The following ESRRG variants were observed in gnomAD, a reference collection of about 807,000 sequenced individuals.
The protein encoded by ESRRG is estrogen-related receptor gamma.
ESRRG carries 13 observed loss-of-function variants against 44.0 expected under a neutral mutation model. That is an observed-to-expected ratio of 0.30 (90% CI 0.19 to 0.47). The LOEUF is 0.47. Ranked by LOEUF, ESRRG falls within the 20% of genes least tolerant of loss-of-function variation. The pLI, the probability that ESRRG is intolerant of heterozygous loss-of-function variation, is 1.00. For missense variants in ESRRG, 395 were observed against 580.6 expected (o/e 0.68, Z 3.29); for synonymous variants, 215 against 214.6 (o/e 1.00, Z -0.02).
intron 3 of ESRRG, among the ~76,000 whole-genome samples, chr1:216,589,674 C>T (rs936737410): frequency 5.3e-5 from 8 of 151,936 alleles, no homozygotes; most frequent in Non-Finnish European, 1.2e-4. Flanking sequence ...GAGGCCGAGG[C>T]AGGTGGGTCA....
chr1:216,969,875 G>A (rs949078264), intron 1 of ESRRG, among the ~76,000 whole-genome samples: 12 of 151,972 alleles, frequency 7.9e-5, no homozygotes, highest in Admixed American at 4.6e-4. Context: ...CATGAGCCAC[G>A]GTGCCCAGCT....
intron 1 of ESRRG, among the ~76,000 whole-genome samples, chr1:217,078,843 T>C (rs773164306): frequency 6.6e-6 from 1 of 152,176 alleles, no homozygotes; most frequent in Non-Finnish European, 1.5e-5. Context: ...TATCAACCTC[T>C]GCATTCTGTC....
chr1:216,584,491 C>T (rs749264934), intron 3 of ESRRG, among the ~76,000 whole-genome samples: 1 of 151,958 alleles, frequency 6.6e-6, no homozygotes, highest in Non-Finnish European at 1.5e-5. Context: ...CTCCTGACCT[C>T]GTGATCCACC....
chr1:216,581,673 T>C (rs1242682567), intron 3 of ESRRG, among the ~76,000 whole-genome samples: 2 of 151,954 alleles, frequency 1.3e-5, no homozygotes, highest in South Asian at 2.1e-4. Context: ...ACAATGGGCA[T>C]GAACTGTGGT....
intron 2 of ESRRG, among the ~76,000 whole-genome samples, chr1:216,925,283 A>G (rs1022757768): frequency 6.6e-6 from 1 of 152,096 alleles, no homozygotes; most frequent in South Asian, 2.1e-4. Flanking sequence ...CTAAAAACAC[A>G]AAAATTAGCT....
At chr1:216,967,018 T>C (rs967060765) in intron 1 of ESRRG, among the ~76,000 whole-genome samples, 1 of 152,184 alleles carries the variant, frequency 6.6e-6, no homozygotes, top group South Asian at 2.1e-4. Context: ...CTGAGTTTCC[T>C]AAACAAGAGC....
At chr1:217,134,687 G>T (rs994802758) in intron 1 of ESRRG, among the ~76,000 whole-genome samples, 1 of 152,226 alleles carries the variant, frequency 6.6e-6, no homozygotes, top group Non-Finnish European at 1.5e-5. Flanking sequence ...GGCTCCGAGC[G>T]CACAGCTCTT....
chr1:216,688,508 A>G (rs2078448399), intron 1 of ESRRG, among the ~76,000 whole-genome samples: 1 of 152,192 alleles, frequency 6.6e-6, no homozygotes, highest in Non-Finnish European at 1.5e-5. Flanking sequence ...ACCATACAAA[A>G]ACAAAACAAA....
chr1:216,981,474 C>T (rs1257818723), intron 1 of ESRRG, among the ~76,000 whole-genome samples: 1 of 152,048 alleles, frequency 6.6e-6, no homozygotes, highest in Non-Finnish European at 1.5e-5. Flanking sequence ...TCATGAGGAG[C>T]CGATGAAGCA....
At chr1:216,925,627 A>T (rs920203004) in intron 2 of ESRRG, among the ~76,000 whole-genome samples, 4 of 151,682 alleles carry the variant, frequency 2.6e-5, no homozygotes, top group Non-Finnish European at 5.9e-5. Context: ...GTGGGGGCGG[A>T]ATGCTCCTTC....
intron 2 of ESRRG, among the ~76,000 whole-genome samples, chr1:216,778,220 A>G (rs1260757332): frequency 6.6e-6 from 1 of 151,994 alleles, no homozygotes; most frequent in East Asian, 1.9e-4. Flanking sequence ...AAAACGGCAG[A>G]GGGAGGAGTT....
chr1:216,958,332 T>C (rs1035627924), intron 1 of ESRRG, among the ~76,000 whole-genome samples: 2 of 152,164 alleles, frequency 1.3e-5, no homozygotes, highest in Non-Finnish European at 2.9e-5. Context: ...AAATCTTTAG[T>C]TTGATAAAAA....
At chr1:217,041,906 G>T (rs1472023179) in intron 1 of ESRRG, among the ~76,000 whole-genome samples, 1 of 152,162 alleles carries the variant, frequency 6.6e-6, no homozygotes, top group Non-Finnish European at 1.5e-5. Context: ...CTTATCCCAA[G>T]AAACCAGTAG....
intron 6 of ESRRG, among the ~76,000 whole-genome samples, chr1:216,509,516 C>T (rs2042119868): frequency 6.6e-6 from 1 of 152,136 alleles, no homozygotes; most frequent in Admixed American, 6.5e-5. Context: ...GTTACCTCGG[C>T]CCTACCCATA....
intron 5 of ESRRG, among the ~76,000 whole-genome samples, chr1:216,553,041 G>A (rs974257507): frequency 6.6e-6 from 1 of 152,026 alleles, no homozygotes; most frequent in African/African-American, 2.4e-5. Context: ...AATCTGTGCT[G>A]AGGACACCCT....
intron 2 of ESRRG, among the ~76,000 whole-genome samples, chr1:216,819,922 A>G (rs1463845916): frequency 6.6e-6 from 1 of 152,248 alleles, no homozygotes; most frequent in Non-Finnish European, 1.5e-5. Flanking sequence ...CCAAAACAAT[A>G]CAACTGTAGA....
At chr1:217,075,875 T>C (rs2091234781) in intron 1 of ESRRG, among the ~76,000 whole-genome samples, 1 of 152,176 alleles carries the variant, frequency 6.6e-6, no homozygotes, top group African/African-American at 2.4e-5. Flanking sequence ...TGCTTTTACA[T>C]TTTATTGAGC....
intron 1 of ESRRG, among the ~76,000 whole-genome samples, chr1:217,006,258 G>T (rs1439105648): frequency 6.6e-6 from 1 of 152,000 alleles, no homozygotes; most frequent in East Asian, 1.9e-4. Flanking sequence ...TGAATAATAT[G>T]ATGATTAGGT....
At chr1:216,543,482 A>G (rs1381171340) in intron 5 of ESRRG, among the ~76,000 whole-genome samples, 1 of 152,020 alleles carries the variant, frequency 6.6e-6, no homozygotes, top group African/African-American at 2.4e-5. Flanking sequence ...ATGGGTTTAT[A>G]TCACACCAGG....
Sources: allele counts gnomAD v4.1 joint callset (sites outside exome capture counted in the v4.1 genomes callset), GRCh38; gene constraint gnomAD v4.1.1; transcripts MANE v1.5; gene names NCBI Gene and HGNC (gene_info 2026-07-23, HGNC 2026-07-21).